The following DISC1 variants were observed in gnomAD, a reference collection of about 807,000 sequenced individuals.
DISC1 encodes the protein DISC1 scaffold protein.
Under a neutral mutation model 84.5 loss-of-function variants are expected in DISC1, and 57 were observed. The observed-to-expected ratio is 0.67, with a 90% CI of 0.55 to 0.84. The LOEUF (loss-of-function observed/expected upper bound fraction) is 0.84. DISC1 is among the 40% of genes least tolerant of loss of function. The pLI, the probability that DISC1 is intolerant of heterozygous loss-of-function variation, is 0.00. For synonymous variants in DISC1, 411 were observed against 415.2 expected, an observed-to-expected ratio of 0.99 and a Z score of 0.12; for missense variants, 1,000 against 1,057.8, an observed-to-expected ratio of 0.95 and a Z score of 0.76.
chr1:231,926,411 G>A (rs114981238), intron 9 of DISC1, among the ~76,000 whole-genome samples: 182 of 152,316 alleles, frequency 1.2e-3, no homozygotes, highest in African/African-American at 4.2e-3. Context: ...GCCAGATCAA[G>A]TATTGCAACG....
At chr1:231,962,598 G>A (rs1660540289) in intron 10 of DISC1, among the ~76,000 whole-genome samples, 2 of 152,178 alleles carry the variant, frequency 1.3e-5, no homozygotes, top group African/African-American at 4.8e-5. Flanking sequence ...TATAAAAGCT[G>A]AGAATTTCTT....
At chr1:231,651,499 G>A (rs920651735) in intron 1 of DISC1, among the ~76,000 whole-genome samples, 7 of 152,164 alleles carry the variant, frequency 4.6e-5, no homozygotes, top group Admixed American at 3.3e-4. Flanking sequence ...GGTGTCAGTC[G>A]GCCCCTACTT....
chr1:231,787,594 G>A (rs1050118456), intron 6 of DISC1, among the ~76,000 whole-genome samples: 1 of 152,288 alleles, frequency 6.6e-6, no homozygotes, highest in Admixed American at 6.5e-5. Context: ...CCCGCCTCTC[G>A]ACACGGTTGC....
chr1:231,916,315 T>C (rs1172467356), intron 9 of DISC1, among the ~76,000 whole-genome samples: 1 of 152,196 alleles, frequency 6.6e-6, no homozygotes, highest in Non-Finnish European at 1.5e-5. Context: ...GCATTTAACC[T>C]GAGGCTTATT....
intron 10 of DISC1, among the ~76,000 whole-genome samples, chr1:231,986,558 A>C (rs1333703391): frequency 6.6e-6 from 1 of 152,226 alleles, no homozygotes; most frequent in African/African-American, 2.4e-5. Context: ...TGCATCTTTC[A>C]GATTAGATCA....
chr1:231,755,568 T>C (rs935901274), intron 4 of DISC1, among the ~76,000 whole-genome samples: 4 of 152,224 alleles, frequency 2.6e-5, no homozygotes, highest in African/African-American at 9.6e-5. Flanking sequence ...ATTTAGTATC[T>C]TTTTATCCTT....
intron 9 of DISC1, among the ~76,000 whole-genome samples, chr1:231,845,132 G>A (rs1215159986): frequency 6.6e-6 from 1 of 152,068 alleles, no homozygotes; most frequent in East Asian, 1.9e-4. Context: ...GTTATATTGA[G>A]GCATGTTCAA....
chr1:232,008,348 C>T (rs976095542), intron 10 of DISC1, among the ~76,000 whole-genome samples: 4 of 152,110 alleles, frequency 2.6e-5, no homozygotes, highest in South Asian at 2.1e-4. Context: ...TTATTTAAGC[C>T]GAGTTCTGAA....
At chr1:232,029,805 G>A (rs1379411337) in intron 12 of DISC1, among the ~76,000 whole-genome samples, 13 of 152,236 alleles carry the variant, frequency 8.5e-5, no homozygotes, top group Admixed American at 8.5e-4. Flanking sequence ...GGCTATTAGT[G>A]TGGCATCAAC....
At chr1:231,933,681 T>C (rs1202408705) in intron 9 of DISC1, among the ~76,000 whole-genome samples, 2 of 152,360 alleles carry the variant, frequency 1.3e-5, no homozygotes, top group East Asian at 3.9e-4. Flanking sequence ...AAAAAAATTT[T>C]CCAACCTCCT....
chr1:231,626,949 A>C lies in DISC1; in HGVS notation c.67+15A>C. The C allele has an allele frequency of 6.7e-7, 1 of 1,500,712 alleles. No individual in the cohort carries two copies. Among genetic ancestry groups the C allele is most frequent in the African/African-American group, 1.5e-5 (1 of 68,894 alleles). The allele number at this position is 1,500,712 out of a possible 1,614,324, so 93.0% of individuals were successfully genotyped here. ...CCACCGCGCAGGTAGGGGAGCTGCCACAGAGTCCTAGCACGTCCTGGGGGG... is the reference window on the plus strand; with the variant it reads ...CCACCGCGCAGGTAGGGGAGCTGCCCCAGAGTCCTAGCACGTCCTGGGGGG... On this transcript the variant is annotated intron_variant, in intron 1 of 12. Transcript: ENST00000439617.
chr1:231,737,409 C>CT (rs1415885559), intron 3 of DISC1, among the ~76,000 whole-genome samples: 1 of 152,226 alleles, frequency 6.6e-6, no homozygotes, highest in Non-Finnish European at 1.5e-5. Flanking sequence ...TCAGCACCTG[C>CT]TATGTGCAGT....
intron 1 of DISC1, among the ~76,000 whole-genome samples, chr1:231,649,391 T>C (rs1218194782): frequency 6.6e-6 from 1 of 152,200 alleles, no homozygotes; most frequent in Non-Finnish European, 1.5e-5. Flanking sequence ...TAATCCTGAG[T>C]TCTAGTTTGA....
chr1:231,720,853 T>C, intron 3 of DISC1: 1 of 1,290,942 alleles, frequency 7.7e-7, no homozygotes, highest in Non-Finnish European at 1.0e-6. Context: ...TACAGGTTTG[T>C]TGGAGGAAGT....
intron 9 of DISC1, among the ~76,000 whole-genome samples, chr1:231,850,831 A>G (rs756003537): frequency 3.9e-5 from 6 of 152,062 alleles, no homozygotes; most frequent in Non-Finnish European, 8.8e-5. Flanking sequence ...TGCTTTTGGG[A>G]AAGTCCGACG....
chr1:231,894,974 G>A (rs1027464746), intron 9 of DISC1, among the ~76,000 whole-genome samples: 1 of 151,690 alleles, frequency 6.6e-6, no homozygotes, highest in Non-Finnish European at 1.5e-5. Flanking sequence ...TGTCTTCAAA[G>A]TTGTCATGAC....
intron 1 of DISC1, among the ~76,000 whole-genome samples, chr1:231,633,056 G>C (rs758570642): frequency 6.6e-6 from 1 of 152,194 alleles, no homozygotes; most frequent in Non-Finnish European, 1.5e-5. Flanking sequence ...GGGCTACAGA[G>C]AGAGACTCCG....
intron 9 of DISC1, among the ~76,000 whole-genome samples, chr1:231,912,866 TTTCC>T (rs991890107): frequency 2.9e-4 from 44 of 150,134 alleles, no homozygotes; most frequent in Middle Eastern, 3.4e-3. Context: ...CTCCTCCTTC[TTTCC>T]TTCCTTCCTT....
At chr1:231,631,714 C>T (rs918385850) in intron 1 of DISC1, among the ~76,000 whole-genome samples, 9 of 151,116 alleles carry the variant, frequency 6.0e-5, no homozygotes, top group African/African-American at 2.2e-4. Flanking sequence ...GTGTTTTAAG[C>T]TGTGTTTTTA....
Sources: gnomAD v4.1 joint callset for allele counts (sites outside exome capture counted in the v4.1 genomes callset) on GRCh38, gnomAD v4.1.1 for gene constraint, MANE v1.5 for transcripts, NCBI Gene and HGNC (gene_info 2026-07-23, HGNC 2026-07-21) for gene names.